GUCY2C: variants seen among roughly 807,000 people sequenced by gnomAD.
GUCY2C encodes guanylyl cyclase C.
In GUCY2C, 118 loss-of-function variants were observed where a neutral mutation model predicts 131.1. That is an observed-to-expected ratio of 0.90 (90% confidence interval 0.78 to 1.05). The LOEUF (loss-of-function observed/expected upper bound fraction) is 1.05. Among genes scored for constraint, GUCY2C ranks in the 50% least tolerant of loss-of-function variants. GUCY2C has a pLI of 0.00. For synonymous variants in GUCY2C, 452 were observed against 457.8 expected, an observed-to-expected ratio of 0.99 and a Z score of 0.16; for missense variants, 1,161 against 1,304.4, an observed-to-expected ratio of 0.89 and a Z score of 1.69.
chr12:14,680,173 A>T (rs912034202), intron 5 of GUCY2C, among the ~76,000 whole-genome samples: 78 of 152,198 alleles, frequency 5.1e-4, no homozygotes, highest in African/African-American at 1.5e-3. Flanking sequence ...AAAAGATATT[A>T]TAAAAGTGAG....
chr12:14,689,629 G>A (rs990092711), intron 1 of GUCY2C, among the ~76,000 whole-genome samples: 1 of 152,184 alleles, frequency 6.6e-6, no homozygotes, highest in Non-Finnish European at 1.5e-5. Context: ...AGTGGGATCT[G>A]AAATGGAAGC....
Position 14,625,860 on chromosome 12 carries a change from G to C in GUCY2C, c.2305C>G (p.Gln769Glu). The C allele has an allele frequency of 6.2e-7, 1 of 1,613,590 alleles. No homozygotes were observed. The highest frequency in any genetic ancestry group is 8.5e-7 in the Non-Finnish European group (1 of 1,179,536). The change falls in exon 21 of 27, where the codon CAG becomes GAG. Residue 769 changes from glutamine to glutamate, a missense_variant. Transcript: ENST00000261170. Reference sequence around the variant, plus strand: ...TGTTCCAGGTTTCGAGAATATAGCTGTAGACGTCGGATCAAGGTATCCATA... The same window carrying C: ...TGTTCCAGGTTTCGAGAATATAGCTCTAGACGTCGGATCAAGGTATCCATA... ...SYMDTLIRRL[Q>E]LYSRNLEHLV...
chr12:14,692,572 G>A (rs946418203), intron 1 of GUCY2C, among the ~76,000 whole-genome samples: 8 of 152,156 alleles, frequency 5.3e-5, no homozygotes, highest in Non-Finnish European at 4.4e-5. Flanking sequence ...CCTAGGCCAG[G>A]TGCGGTGGCT....
intron 8 of GUCY2C, among the ~76,000 whole-genome samples, chr12:14,673,352 G>C (rs978604662): frequency 6.6e-6 from 1 of 152,026 alleles, no homozygotes; most frequent in Non-Finnish European, 1.5e-5. Flanking sequence ...TTTTTTCACT[G>C]TCACTCATTT....
At chr12:14,679,547 A>C (rs2044074004) in intron 6 of GUCY2C, 110 bp downstream of exon 6, 1 of 650,634 alleles carries the variant, frequency 1.5e-6, no homozygotes, top group Non-Finnish European at 2.8e-6. Context: ...CATCATACTT[A>C]ACCCCATAAG....
Position 14,687,984 on chromosome 12 carries a change from G to A in GUCY2C, c.297C>T (p.Thr99=). The change falls in exon 2 of 27, where the codon ACC becomes ACT. Residue 99 remains threonine (T), a synonymous_variant. Coordinates refer to ENST00000261170, the MANE Select transcript of GUCY2C (RefSeq NM_004963.4). The part of the protein sequence containing the change: ...IHNSGDCRSS[T]CEGLDLLRKI... ...TCCTGAGTAGGTCGAGGCCTTCACAGGTGCTACTCCGGCAGTCGCCTGAGT... is the reference window on the plus strand; with the variant it reads ...TCCTGAGTAGGTCGAGGCCTTCACAAGTGCTACTCCGGCAGTCGCCTGAGT... 1 of 1,613,138 alleles carries A rather than the reference G, an allele frequency of 6.2e-7. No homozygotes were observed. The highest frequency in any genetic ancestry group is 1.3e-5 in the African/African-American group (1 of 75,026).
At chr12:14,663,722 G>A (rs913646839) in intron 10 of GUCY2C, among the ~76,000 whole-genome samples, 11 of 152,250 alleles carry the variant, frequency 7.2e-5, no homozygotes, top group African/African-American at 2.6e-4. Context: ...ACTCCTGGGG[G>A]CACAGTCCAT....
chr12:14,674,267 G>T, intron 8 of GUCY2C: 1 of 313,774 alleles, frequency 3.2e-6, no homozygotes, highest in Non-Finnish European at 6.2e-6. Context: ...GGATAGAAAA[G>T]GAGATATGGA....
At chr12:14,684,782 A>T (rs1948439158) in intron 3 of GUCY2C, among the ~76,000 whole-genome samples, 1 of 151,600 alleles carries the variant, frequency 6.6e-6, no homozygotes, top group Non-Finnish European at 1.5e-5. Flanking sequence ...TGATCCTCCC[A>T]TCTTGGCCTC....
At chr12:14,648,725 G>T (rs191567783) in intron 15 of GUCY2C, among the ~76,000 whole-genome samples, 3 of 152,138 alleles carry the variant, frequency 2.0e-5, no homozygotes, top group African/African-American at 7.2e-5. Flanking sequence ...CTCTCTATTT[G>T]TTATTTATGT....
intron 22 of GUCY2C, 109 bp from the exon 23 acceptor site, chr12:14,621,325 A>G (rs1472795427): frequency 4.4e-6 from 4 of 910,650 alleles, no homozygotes; most frequent in East Asian, 4.8e-5. Context: ...GGAACACAGT[A>G]TGAGCATAGC....
intron 1 of GUCY2C, among the ~76,000 whole-genome samples, chr12:14,695,392 C>T (rs1948638002): frequency 6.6e-6 from 1 of 151,962 alleles, no homozygotes; most frequent in Non-Finnish European, 1.5e-5. Context: ...CTAGTAATCA[C>T]AGCCACAGGA....
intron 13 of GUCY2C, 150 bp from the exon 14 acceptor site, chr12:14,652,180 T>TATTTATTTATTC: frequency 8.5e-6 from 2 of 235,426 alleles, no homozygotes; most frequent in Non-Finnish European, 1.6e-5. Context: ...TTTATTTATT[T>TATTTATTTATTC]ATTTATTTTT....
At chr12:14,614,754 C>T (rs1470600785) in intron 26 of GUCY2C, 113 bp downstream of exon 26, 1 of 652,774 alleles carries the variant, frequency 1.5e-6, no homozygotes, top group Non-Finnish European at 2.7e-6. Context: ...TAGTCCCTTA[C>T]TTCTTATGCA....
At chr12:14,616,598 G>T in intron 25 of GUCY2C, 35 bp downstream of exon 25, 1 of 1,187,452 alleles carries the variant, frequency 8.4e-7, no homozygotes, top group Non-Finnish European at 1.3e-6. Context: ...GTGTCTGAGA[G>T]CTTTTCCTAT....
In GUCY2C at chr12:14,622,119, G is replaced by A; in HGVS notation, c.2487C>T (p.Asp829=). The A allele has an allele frequency of 6.2e-7, 1 of 1,605,578 alleles. No individual in the cohort carries two copies. The highest frequency in any genetic ancestry group is 1.1e-5 in the South Asian group (1 of 89,740). Residue 829 remains aspartate (D), a synonymous_variant, in exon 22 of 27, where the codon GAC becomes GAT. Transcript: ENST00000261170. The part of the protein sequence containing the change: ...LYEEVTIYFS[D]IVGFTTICKY... ...TGCAGATAGTAGTGAAACCTACAAT[G>A]TCACTGAAGTAGATTGTAACTTCCT...
At chr12:14,649,698 A>G (rs1592111228) in intron 15 of GUCY2C, among the ~76,000 whole-genome samples, 3 of 152,186 alleles carry the variant, frequency 2.0e-5, no homozygotes, top group Non-Finnish European at 2.9e-5. Flanking sequence ...TTTAATTGAT[A>G]CTGATAAAAT....
At chr12:14,685,297 G>GA (rs1264802608) in intron 3 of GUCY2C, among the ~76,000 whole-genome samples, 2 of 152,172 alleles carry the variant, frequency 1.3e-5, no homozygotes, top group Non-Finnish European at 2.9e-5. Context: ...AAGAGAAGCT[G>GA]AAAAAGTGCT....
At chr12:14,642,970 T>C (rs1351052380) in intron 17 of GUCY2C, among the ~76,000 whole-genome samples, 1 of 152,210 alleles carries the variant, frequency 6.6e-6, no homozygotes, top group Non-Finnish European at 1.5e-5. Flanking sequence ...TCTGAGTCTG[T>C]TTAACTGTGA....
Sources: gnomAD v4.1 joint callset for allele counts (sites outside exome capture counted in the v4.1 genomes callset) on GRCh38, gnomAD v4.1.1 for gene constraint, MANE v1.5 for transcripts, NCBI Gene and HGNC (gene_info 2026-07-23, HGNC 2026-07-21) for gene names.